Variants in IQGAP2 observed in about 807,000 individuals in gnomAD.
IQGAP2 encodes the protein IQ motif containing GTPase activating protein 2, also known as ras GTPase-activating-like protein IQGAP2.
Under a neutral mutation model 201.3 loss-of-function variants are expected in IQGAP2, and 173 were observed. That is an observed-to-expected ratio of 0.86 (90% CI 0.76 to 0.98). The LOEUF is 0.98. Ranked by LOEUF, IQGAP2 falls within the 50% of genes least tolerant of loss-of-function variation. The pLI is 0.00. For synonymous variants in IQGAP2, 675 were observed against 673.9 expected, an observed-to-expected ratio of 1.00 and a Z score of -0.03; for missense variants, 1,687 against 1,864.8, an observed-to-expected ratio of 0.90 and a Z score of 1.76.
intron 16 of IQGAP2, among the ~76,000 whole-genome samples, chr5:76,637,511 A>G (rs1751242300): frequency 6.6e-6 from 1 of 152,212 alleles, no homozygotes; most frequent in Non-Finnish European, 1.5e-5. Flanking sequence ...GTCAATATTT[A>G]AAAGGTATTT....
chr5:76,428,215 T>A (rs745602688), intron 1 of IQGAP2, among the ~76,000 whole-genome samples: 29 of 152,024 alleles, frequency 1.9e-4, no homozygotes, highest in Non-Finnish European at 3.7e-4. Context: ...TGCGGGGTGA[T>A]GGGCAGCCAG....
intron 22 of IQGAP2, among the ~76,000 whole-genome samples, chr5:76,667,780 T>C (rs556772331): frequency 6.6e-6 from 1 of 152,256 alleles, no homozygotes; most frequent in East Asian, 1.9e-4. Context: ...AATGTATTCT[T>C]TTCTTTTTCT....
At chr5:76,428,270 C>T (rs1275421487) in intron 1 of IQGAP2, among the ~76,000 whole-genome samples, 1 of 151,920 alleles carries the variant, frequency 6.6e-6, no homozygotes, top group African/African-American at 2.4e-5. Context: ...ACCCTGAAGC[C>T]TTTGTTGCTA....
At chr5:76,685,683 T>C (rs1043824879) in intron 30 of IQGAP2, among the ~76,000 whole-genome samples, 1 of 135,936 alleles carries the variant, frequency 7.4e-6, no homozygotes, top group Non-Finnish European at 1.6e-5. Context: ...TGCCCTTGTG[T>C]GGCTCTCCCC....
At chr5:76,623,911 C>T (rs938004352) in intron 13 of IQGAP2, among the ~76,000 whole-genome samples, 3 of 137,750 alleles carry the variant, frequency 2.2e-5, no homozygotes, top group Non-Finnish European at 3.1e-5. Context: ...TTTTCTTCGC[C>T]GGGTGAGGAT....
chr5:76,495,473 G>A (rs557682329), intron 2 of IQGAP2, among the ~76,000 whole-genome samples: 55 of 152,308 alleles, frequency 3.6e-4, no homozygotes, highest in African/African-American at 1.3e-3. Flanking sequence ...GGGACCAGCT[G>A]GCAGGAGTAG....
At position 76,673,455 on chromosome 5, in the gene IQGAP2, G is replaced by A; in HGVS notation, c.3075G>A (p.Leu1025=). 1 of 1,612,134 alleles carries A rather than the reference G, an allele frequency of 6.2e-7. No individual in the cohort carries two copies. Among genetic ancestry groups the A allele is most frequent in the Non-Finnish European group, 8.5e-7 (1 of 1,179,326 alleles). The change falls in exon 25 of 36, where the codon TTG becomes TTA. Residue 1025 remains leucine, a synonymous_variant. Coordinates refer to ENST00000274364, the MANE Select transcript of IQGAP2 (RefSeq NM_006633.5). ...LETQTGEASK[L]PYDVTTEQAL... ...AAAGCCTTTGTGTTTTCAGCAAGTTGCCTTATGATGTGACCACAGAACAAG... is the reference window on the plus strand; with the variant it reads ...AAAGCCTTTGTGTTTTCAGCAAGTTACCTTATGATGTGACCACAGAACAAG...
At chr5:76,618,793 A>G in intron 13 of IQGAP2, 3 of 692,680 alleles carry the variant, frequency 4.3e-6, no homozygotes, top group East Asian at 5.4e-5. Flanking sequence ...ACAAGCATAT[A>G]TTTAATACAT....
intron 4 of IQGAP2, among the ~76,000 whole-genome samples, chr5:76,574,685 C>T (rs184385519): frequency 1.8e-4 from 27 of 152,274 alleles, no homozygotes; most frequent in Admixed American, 1.7e-3. Context: ...TTCACATGTA[C>T]CCCAAACCTA....
intron 11 of IQGAP2, among the ~76,000 whole-genome samples, chr5:76,603,570 A>G (rs1315193072): frequency 6.6e-6 from 1 of 152,146 alleles, no homozygotes; most frequent in Non-Finnish European, 1.5e-5. Context: ...GAACCCCATT[A>G]TATCTACTCT....
intron 1 of IQGAP2, among the ~76,000 whole-genome samples, chr5:76,416,413 C>T (rs928049129): frequency 2.6e-5 from 4 of 152,190 alleles, no homozygotes; most frequent in South Asian, 2.1e-4. Flanking sequence ...ATGGAAGTAC[C>T]GTGACCTTAG....
At chr5:76,542,775 G>A (rs919173648) in intron 2 of IQGAP2, among the ~76,000 whole-genome samples, 11 of 152,166 alleles carry the variant, frequency 7.2e-5, no homozygotes, top group African/African-American at 2.4e-4. Context: ...CTGCCCATCA[G>A]GTAGATACAC....
Position 76,658,632 on chromosome 5 carries a change from A to G in IQGAP2, c.2494A>G (p.Ile832Val). The G allele has an allele frequency of 6.2e-7, 1 of 1,613,942 alleles. No homozygotes were observed. Among genetic ancestry groups the G allele is most frequent in the Middle Eastern group, 1.7e-4 (1 of 6,058 alleles). Reference sequence around the variant, plus strand: ...AGACCTGAACCTGATGGACATCAAGATTGGACTGCTGGTGAAGAACAGGAT... The same window carrying G: ...AGACCTGAACCTGATGGACATCAAGGTTGGACTGCTGGTGAAGAACAGGAT... ...EKDLNLMDIKIGLLVKNRITL... is the reference protein window; with the variant it reads ...EKDLNLMDIKVGLLVKNRITL... Residue 832 changes from isoleucine (I) to valine (V), a missense_variant, in exon 21 of 36, where the codon ATT (isoleucine) becomes GTT (valine). Transcript: ENST00000274364.
chr5:76,544,168 G>A (rs768585712), intron 2 of IQGAP2, among the ~76,000 whole-genome samples: 4 of 152,126 alleles, frequency 2.6e-5, no homozygotes, highest in African/African-American at 9.7e-5. Context: ...CACCCCAAAT[G>A]TCTGCTGCTC....
intron 13 of IQGAP2, chr5:76,618,133 A>G: frequency 6.2e-7 from 1 of 1,614,162 alleles, no homozygotes; most frequent in Non-Finnish European, 8.5e-7. Context: ...ATGGCCAGGT[A>G]GCGGTTGATG....
chr5:76,694,226 A>G (rs1469488547), intron 31 of IQGAP2, among the ~76,000 whole-genome samples: 3 of 136,688 alleles, frequency 2.2e-5, no homozygotes, highest in Non-Finnish European at 4.9e-5. Flanking sequence ...TGAGCCCAGG[A>G]GTTCAACACC....
chr5:76,530,090 T>C (rs187056148), intron 2 of IQGAP2, among the ~76,000 whole-genome samples: 9 of 152,318 alleles, frequency 5.9e-5, no homozygotes, highest in African/African-American at 2.2e-4. Context: ...CTGGATGGTT[T>C]TGTGGGCTGT....
intron 2 of IQGAP2, among the ~76,000 whole-genome samples, chr5:76,492,624 T>C (rs1318736447): frequency 6.6e-6 from 1 of 152,196 alleles, no homozygotes; most frequent in Non-Finnish European, 1.5e-5. Context: ...TTGGGTGTTA[T>C]CCTGACGTAC....
At chr5:76,468,467 C>T (rs1056469317) in intron 2 of IQGAP2, among the ~76,000 whole-genome samples, 4 of 152,126 alleles carry the variant, frequency 2.6e-5, no homozygotes, top group African/African-American at 9.7e-5. Flanking sequence ...GTATCATCTC[C>T]ATATCCAGCC....
Sources: allele counts gnomAD v4.1 joint callset (sites outside exome capture counted in the v4.1 genomes callset), GRCh38; gene constraint gnomAD v4.1.1; transcripts MANE v1.5; gene names NCBI Gene and HGNC (gene_info 2026-07-23, HGNC 2026-07-21).